Variants in ANO10 observed in about 807,000 individuals in gnomAD.
The protein encoded by ANO10 is anoctamin 10.
Under a neutral mutation model 74.7 loss-of-function variants are expected in ANO10, and 77 were observed. The observed-to-expected ratio is 1.03, with a 90% CI of 0.86 to 1.25. ANO10 has a LOEUF of 1.25. Ranked by LOEUF, ANO10 falls within the 50% of genes most tolerant of loss-of-function variation. ANO10 has a pLI of 0.00. For synonymous variants in ANO10, 279 were observed against 284.9 expected (o/e 0.98, Z 0.21); for missense variants, 721 against 778.1 (o/e 0.93, Z 0.87).
chr3:43,688,089 T>A (rs993559372), intron 1 of ANO10, among the ~76,000 whole-genome samples: 1 of 152,234 alleles, frequency 6.6e-6, no homozygotes. Flanking sequence ...TGAAGTCCTG[T>A]AGTCCTATGC....
At chr3:43,548,774 C>CA (rs1405366546) in intron 11 of ANO10, among the ~76,000 whole-genome samples, 2 of 151,864 alleles carry the variant, frequency 1.3e-5, no homozygotes, top group Non-Finnish European at 2.9e-5. Context: ...TTACAAGCAA[C>CA]AAAAAAAATT....
chr3:43,574,503 C>T (rs1381045876), intron 7 of ANO10, among the ~76,000 whole-genome samples: 2 of 152,008 alleles, frequency 1.3e-5, no homozygotes, highest in Admixed American at 6.6e-5. Context: ...ACTCTTGATC[C>T]ACCAGCATAG....
rs752320058 is a variant in ANO10, at chr3:43,555,319, G to T, written c.1627C>A (p.Arg543Ser). The T allele has an allele frequency of 1.9e-6, 3 of 1,614,020 alleles. No homozygotes were observed. In the East Asian group the frequency reaches 6.7e-5, roughly 36 times the overall value. The part of the protein sequence containing the change: ...DALKMCRVFK[R>S]PFSEPSANIG... ...TTGGCTGAAGGTTCTGAGAATGGAC[G>T]TTTGAAGACCCTGCACATTTTTAAG... Residue 543 changes from arginine to serine, a missense_variant, in exon 10 of 13, where the codon CGT becomes AGT. By Grantham distance (110) the Arg-to-Ser change is moderately radical. Transcript: ENST00000292246.
chr3:43,616,645 T>C (rs529485698), intron 1 of ANO10, among the ~76,000 whole-genome samples: 2 of 152,274 alleles, frequency 1.3e-5, no homozygotes, highest in East Asian at 3.9e-4. Flanking sequence ...CTTTGAACAC[T>C]GCAGTGACAC....
At chr3:43,554,681 G>T (rs2079650487) in intron 10 of ANO10, among the ~76,000 whole-genome samples, 1 of 152,058 alleles carries the variant, frequency 6.6e-6, no homozygotes, top group African/African-American at 2.4e-5. Flanking sequence ...TGGCATCCAG[G>T]GGGGATTCCT....
At chr3:43,633,995 CAA>C (rs5848667) in intron 1 of ANO10, among the ~76,000 whole-genome samples, 23 of 123,990 alleles carry the variant, frequency 1.9e-4, no homozygotes, top group Non-Finnish European at 1.8e-4. Flanking sequence ...TCATGGACAG[CAA>C]AAAAAAAAAA....
intron 1 of ANO10, chr3:43,639,162 C>A (rs537398187): frequency 2.0e-4 from 31 of 152,474 alleles, no homozygotes; most frequent in African/African-American, 7.5e-4. Context: ...TCTCCAAAGT[C>A]ACACACCATC....
chr3:43,433,212 GC>G (rs1197829069), intron 11 of ANO10, among the ~76,000 whole-genome samples: 28 of 152,058 alleles, frequency 1.8e-4, no homozygotes, highest in African/African-American at 6.7e-4. Context: ...CTCCCAAAGT[GC>G]CGGGATTACA....
chr3:43,417,825 G>A (rs1277036131), intron 12 of ANO10, among the ~76,000 whole-genome samples: 1 of 152,178 alleles, frequency 6.6e-6, no homozygotes, highest in East Asian at 1.9e-4. Flanking sequence ...AGGTCACATG[G>A]AGGTTCAATT....
At chr3:43,546,570 C>A (rs971254054) in intron 11 of ANO10, among the ~76,000 whole-genome samples, 5 of 151,642 alleles carry the variant, frequency 3.3e-5, no homozygotes, top group Non-Finnish European at 7.4e-5. Flanking sequence ...ACTGGACATC[C>A]ACATGCAAAA....
At chr3:43,565,881 C>G (rs1037602011) in intron 7 of ANO10, among the ~76,000 whole-genome samples, 154 bp from the exon 8 acceptor site, 1 of 152,120 alleles carries the variant, frequency 6.6e-6, no homozygotes, top group Non-Finnish European at 1.5e-5. Context: ...CCAGCCTGAG[C>G]GACGCAGAAG....
intron 10 of ANO10, chr3:43,551,386 TCA>T (rs1441942521): frequency 2.8e-6 from 1 of 352,234 alleles, no homozygotes; most frequent in East Asian, 8.3e-5. Context: ...TTTTTTAAAA[TCA>T]CCTATATTGA....
At chr3:43,469,089 C>T (rs1423824106) in intron 11 of ANO10, among the ~76,000 whole-genome samples, 1 of 123,406 alleles carries the variant, frequency 8.1e-6, no homozygotes, top group Non-Finnish European at 1.6e-5. Flanking sequence ...GTCACACAGG[C>T]TACAGTGCAA....
chr3:43,483,103 C>CCT (rs1437924482), intron 11 of ANO10, among the ~76,000 whole-genome samples: 1 of 152,222 alleles, frequency 6.6e-6, no homozygotes, highest in Non-Finnish European at 1.5e-5. Context: ...CTATAAGCTT[C>CCT]CTGTGCTCTG....
intron 11 of ANO10, among the ~76,000 whole-genome samples, chr3:43,495,472 G>A (rs1397693347): frequency 2.0e-5 from 3 of 152,098 alleles, no homozygotes; most frequent in Non-Finnish European, 4.4e-5. Context: ...TTTGTAACAT[G>A]TGACCAAAGA....
rs112377355 is a variant in ANO10, at chr3:43,446,587, C to A, written c.1798-13860G>T. Among the ~76,000 whole-genome samples the A allele has an allele frequency of 6.9e-3, 1,057 of 152,236 alleles. 8 individuals are homozygous for A. The highest frequency in any genetic ancestry group is 0.012 in the Non-Finnish European group (790 of 68,020). ...ATGTTCTTAAGATATGCTTGAGGCA[C>A]ACTACTGTCAGAAAAGTAAGGAGAA... On this transcript the variant is annotated intron_variant, in intron 11 of 12. Transcript: ENST00000292246.
At chr3:43,684,933 G>T (rs548793140) in intron 1 of ANO10, among the ~76,000 whole-genome samples, 1 of 152,278 alleles carries the variant, frequency 6.6e-6, no homozygotes, top group South Asian at 2.1e-4. Context: ...GCCTGTTGTG[G>T]GGTCGGGGGC....
chr3:43,379,033 T>G (rs979400818), intron 12 of ANO10, among the ~76,000 whole-genome samples: 1 of 152,218 alleles, frequency 6.6e-6, no homozygotes, highest in African/African-American at 2.4e-5. Context: ...TAACCAATAC[T>G]GATCACTAAA....
intron 6 of ANO10, among the ~76,000 whole-genome samples, chr3:43,575,269 G>C (rs2080940943): frequency 6.6e-6 from 1 of 152,142 alleles, no homozygotes; most frequent in Admixed American, 6.5e-5. Flanking sequence ...TGGCTTACAA[G>C]GGTTAACTTG....
Sources: gnomAD v4.1 joint callset for allele counts (sites outside exome capture counted in the v4.1 genomes callset) on GRCh38, gnomAD v4.1.1 for gene constraint, MANE v1.5 for transcripts, NCBI Gene and HGNC (gene_info 2026-07-23, HGNC 2026-07-21) for gene names.